Variants in KLHL1 observed in about 807,000 individuals in gnomAD.
KLHL1 encodes kelch-like protein 1.
KLHL1 carries 47 observed loss-of-function variants against 77.7 expected under a neutral mutation model. The ratio of observed to expected loss-of-function variants is 0.60; its 90% CI spans 0.48 to 0.77. The LOEUF is 0.77. KLHL1 is among the 30% of genes least tolerant of loss of function. The pLI is 0.00. For missense variants in KLHL1, 925 were observed against 910.8 expected, an observed-to-expected ratio of 1.02 and a Z score of -0.20; for synonymous variants, 360 against 325.2, an observed-to-expected ratio of 1.11 and a Z score of -1.15.
At chr13:70,092,701 TGA>T (rs1887697413) in intron 1 of KLHL1, among the ~76,000 whole-genome samples, 1 of 152,148 alleles carries the variant, frequency 6.6e-6, no homozygotes, top group African/African-American at 2.4e-5. Context: ...AATTTGATCA[TGA>T]TGTTATACTA....
In KLHL1 at chr13:69,842,028, A is replaced by G. The variant is rs190299331; in HGVS notation, c.1228-2866T>C. ...TAGACTCCTATCTGTCACCATATAC[A>G]AAAATCAACCCAAAATGAATTAAAT... is the stretch of plus-strand genomic sequence containing the variant. On this transcript the variant is annotated intron_variant, in intron 5 of 10. Coordinates refer to ENST00000377844, the MANE Select transcript of KLHL1 (RefSeq NM_020866.3). Among the ~76,000 whole-genome samples, 23 of 152,092 alleles carry G rather than the reference A, an allele frequency of 1.5e-4. No homozygotes were observed. The East Asian group carries it at 3.7e-3, about 24-fold the overall frequency.
chr13:69,745,951 C>T (rs1024720351), intron 7 of KLHL1, among the ~76,000 whole-genome samples: 3 of 151,288 alleles, frequency 2.0e-5, no homozygotes, highest in Admixed American at 2.0e-4. Flanking sequence ...TCTTCTAATC[C>T]AGAACACAGT....
At chr13:69,893,433 A>G (rs923754038) in intron 4 of KLHL1, among the ~76,000 whole-genome samples, 2 of 151,822 alleles carry the variant, frequency 1.3e-5, no homozygotes, top group Non-Finnish European at 2.9e-5. Flanking sequence ...ACGGGGTTTC[A>G]CCTTGTTAGC....
At chr13:70,077,536 C>T (rs1887293589) in intron 1 of KLHL1, among the ~76,000 whole-genome samples, 1 of 151,262 alleles carries the variant, frequency 6.6e-6, no homozygotes, top group Non-Finnish European at 1.5e-5. Context: ...TGAAATTATG[C>T]ATTTGTGAAA....
At chr13:69,996,777 T>C (rs905014158) in intron 1 of KLHL1, among the ~76,000 whole-genome samples, 8 of 152,066 alleles carry the variant, frequency 5.3e-5, no homozygotes, top group Admixed American at 4.6e-4. Context: ...GTATGCTAGA[T>C]GTCTTCATTG....
chr13:69,958,843 TA>T (rs1179681128), intron 3 of KLHL1, among the ~76,000 whole-genome samples: 1 of 152,042 alleles, frequency 6.6e-6, no homozygotes, highest in African/African-American at 2.4e-5. Context: ...TAGCTTTCTT[TA>T]AAGAAAAGTC....
intron 1 of KLHL1, among the ~76,000 whole-genome samples, chr13:69,982,396 A>G (rs898727798): frequency 6.7e-6 from 1 of 149,746 alleles, no homozygotes; most frequent in Non-Finnish European, 1.5e-5. Context: ...AGATTGCACA[A>G]CTCCACTCCA....
At chr13:69,950,429 T>C (rs2137253725) in intron 3 of KLHL1, among the ~76,000 whole-genome samples, 1 of 151,728 alleles carries the variant, frequency 6.6e-6, no homozygotes, top group South Asian at 2.1e-4. Context: ...AGAGAACATG[T>C]CTTATCTTCA....
At chr13:69,781,189 G>A (rs149456457) in intron 7 of KLHL1, among the ~76,000 whole-genome samples, 175 of 151,448 alleles carry the variant, frequency 1.2e-3, no homozygotes, top group African/African-American at 3.9e-3. Flanking sequence ...CTCTGTGAAT[G>A]TACAACAGTT....
intron 1 of KLHL1, among the ~76,000 whole-genome samples, chr13:70,053,732 AC>A (rs1886681676): frequency 6.6e-6 from 1 of 152,092 alleles, no homozygotes; most frequent in Non-Finnish European, 1.5e-5. Flanking sequence ...GTAAACCTCT[AC>A]ATAAAATCAC....
chr13:69,921,618 T>C (rs1041967965), intron 4 of KLHL1, among the ~76,000 whole-genome samples: 1 of 152,148 alleles, frequency 6.6e-6, no homozygotes, highest in Non-Finnish European at 1.5e-5. Context: ...ACCTATTCTA[T>C]ATATTGTGGG....
At chr13:69,739,031 C>T (rs1322585637) in intron 8 of KLHL1, among the ~76,000 whole-genome samples, 3 of 152,108 alleles carry the variant, frequency 2.0e-5, no homozygotes, top group Non-Finnish European at 4.4e-5. Flanking sequence ...AAAGGGAAGC[C>T]CATCAGACTA....
chr13:70,010,514 T>G (rs2137337199), intron 1 of KLHL1, among the ~76,000 whole-genome samples: 1 of 152,248 alleles, frequency 6.6e-6, no homozygotes, highest in African/African-American at 2.4e-5. Flanking sequence ...CTTGTAAATC[T>G]TGTGAGGCCT....
intron 7 of KLHL1, among the ~76,000 whole-genome samples, chr13:69,790,992 T>C (rs998645865): frequency 4.6e-5 from 7 of 151,986 alleles, no homozygotes; most frequent in African/African-American, 1.2e-4. Flanking sequence ...ACATATTTAA[T>C]AGTGAAAGTC....
At chr13:70,033,585 T>C (rs1020562621) in intron 1 of KLHL1, among the ~76,000 whole-genome samples, 20 of 142,744 alleles carry the variant, frequency 1.4e-4, no homozygotes, top group Non-Finnish European at 2.4e-4. Flanking sequence ...GGATTACAGG[T>C]GTGAGTCACC....
At chr13:69,883,995 T>C (rs61450154) in intron 4 of KLHL1, among the ~76,000 whole-genome samples, 1 of 152,210 alleles carries the variant, frequency 6.6e-6, no homozygotes, top group African/African-American at 2.4e-5. Flanking sequence ...AAAACTGCAG[T>C]AGAGTGACAC....
At chr13:69,924,416 G>A (rs914188887) in intron 4 of KLHL1, among the ~76,000 whole-genome samples, 2 of 152,040 alleles carry the variant, frequency 1.3e-5, no homozygotes, top group African/African-American at 2.4e-5. Context: ...AGCCAGACTC[G>A]AGAGTCATTT....
At chr13:69,796,232 T>TTAAAGATAAG (rs373510727) in intron 7 of KLHL1, among the ~76,000 whole-genome samples, 1 of 152,164 alleles carries the variant, frequency 6.6e-6, no homozygotes, top group East Asian at 1.9e-4. Flanking sequence ...CATAATTTAC[T>TTAAAGATAAG]TAAAGATAAT....
At chr13:70,016,324 G>A (rs951701684) in intron 1 of KLHL1, among the ~76,000 whole-genome samples, 2 of 152,202 alleles carry the variant, frequency 1.3e-5, no homozygotes, top group African/African-American at 4.8e-5. Flanking sequence ...TTAAAAGGGT[G>A]GGAATCCCAC....
Sources: allele counts gnomAD v4.1 joint callset (sites outside exome capture counted in the v4.1 genomes callset), GRCh38; gene constraint gnomAD v4.1.1; transcripts MANE v1.5; gene names NCBI Gene and HGNC (gene_info 2026-07-23, HGNC 2026-07-21).